ASB14: variants seen among roughly 807,000 people sequenced by gnomAD.
ASB14 encodes the protein ankyrin repeat and SOCS box containing 14.
A neutral mutation model predicts 55.6 loss-of-function variants in ASB14; 63 were observed. The observed-to-expected ratio is 1.13, with a 90% CI of 0.92 to 1.40. The LOEUF (loss-of-function observed/expected upper bound fraction) is 1.40, where lower values mean the gene tolerates loss of function less well. Among genes scored for constraint, ASB14 ranks in the 40% most tolerant of loss-of-function variants. The pLI is 0.00. For synonymous variants in ASB14, 256 were observed against 259.9 expected (o/e 0.98, Z 0.15); for missense variants, 724 against 710.4 (o/e 1.02, Z -0.22).
rs1318353290 is a variant in ASB14 at position 57,269,307 on chromosome 3, AAAAG to A, written c.*330_*333del. ...GCTTTATTTGGTTGTTGGTCATAAA[AAAAG>A]AAAGATAAAATATTAGATTTTAGTT... On this transcript the variant is annotated 3_prime_UTR_variant, in exon 11 of 11. Coordinates refer to ENST00000487349, the MANE Select transcript of ASB14 (RefSeq NM_001142733.3). The A allele has an allele frequency of 1.2e-5, 5 of 427,594 alleles. No individual in the cohort carries two copies. Among genetic ancestry groups the A allele is most frequent in the South Asian group, 8.5e-5 (2 of 23,632 alleles). 26.5% of individuals were successfully genotyped at this position (427,594 alleles called of 1,614,324 possible). A position where few individuals can be genotyped will look rare whatever the true frequency, so the allele number is the denominator to read the frequency against.
At chr3:57,292,399 A>C (rs2061140710) in intron 1 of ASB14, among the ~76,000 whole-genome samples, 1 of 152,122 alleles carries the variant, frequency 6.6e-6, no homozygotes, top group African/African-American at 2.4e-5. Flanking sequence ...TGATTGTAGC[A>C]CTCATCCAAA....
chr3:57,282,201 A>G (rs569733339), intron 6 of ASB14, among the ~76,000 whole-genome samples: 1 of 152,284 alleles, frequency 6.6e-6, no homozygotes, highest in South Asian at 2.1e-4. Context: ...CCTATATGAC[A>G]GGAAAGATTT....
chr3:57,268,376 GTTTTA>G lies in ASB14; in HGVS notation c.*1260_*1264del. ...AAGTTATTTCATATTTAATTCATTA[GTTTTA>G]TTCATCTGTTCTTTAGGATCGTAGG... On this transcript the variant is annotated 3_prime_UTR_variant, in exon 11 of 11. Coordinates refer to ENST00000487349, the MANE Select transcript of ASB14 (RefSeq NM_001142733.3). 1.3e-6 allele frequency: 2 copies of G among 1,506,698 alleles called. No individual in the cohort carries two copies. The highest frequency in any genetic ancestry group is 1.8e-6 in the Non-Finnish European group (2 of 1,108,216). The allele number at this position is 1,506,698 out of a possible 1,614,324, so 93.3% of individuals were successfully genotyped here.
At chr3:57,282,185 G>A (rs1022720010) in intron 6 of ASB14, among the ~76,000 whole-genome samples, 2 of 152,094 alleles carry the variant, frequency 1.3e-5, no homozygotes, top group Admixed American at 1.3e-4. Context: ...TTAGCAACTA[G>A]CCTCCCCTAT....
intron 10 of ASB14, chr3:57,271,140 T>C (rs2060935487): frequency 6.6e-6 from 1 of 152,438 alleles, no homozygotes; most frequent in Non-Finnish European, 1.5e-5. Flanking sequence ...GCCTTTTTTT[T>C]TCTTTGATAT....
intron 2 of ASB14, among the ~76,000 whole-genome samples, chr3:57,289,811 C>T (rs2061114615): frequency 6.7e-6 from 1 of 150,150 alleles, no homozygotes; most frequent in African/African-American, 2.5e-5. Context: ...TCACGGCCGG[C>T]TAATTTTTTG....
chr3:57,287,859 C>G, intron 5 of ASB14, 42 bp downstream of exon 5: 1 of 1,525,516 alleles, frequency 6.6e-7, no homozygotes, highest in South Asian at 1.2e-5. Context: ...ATGAAGGAGA[C>G]TCAGTGCCAC....
rs764803205 is a variant in ASB14 at position 57,283,345 on chromosome 3, G to A, written c.564C>T (p.His188=). Residue 188 remains histidine, a synonymous_variant, in exon 6 of 11, where the codon CAC becomes CAT. Transcript: ENST00000487349. The part of the protein sequence containing the change: ...LRCANERTAL[H]EAAKLGREDM... ...CCTCTCTGCCCAGTTTGGCTGCTTC[G>A]TGGAGAGCTGTCCTCTCGTTGGCAC... 46 of 1,551,618 alleles carry A rather than the reference G, an allele frequency of 3.0e-5. No individual in the cohort carries two copies. Among genetic ancestry groups the A allele is most frequent in the Middle Eastern group, 1.7e-4 (1 of 6,014 alleles).
chr3:57,290,900 A>T (rs2107631563), intron 2 of ASB14, among the ~76,000 whole-genome samples: 1 of 152,336 alleles, frequency 6.6e-6, no homozygotes, highest in East Asian at 1.9e-4. Flanking sequence ...CCTAAATTGA[A>T]CACAAAAGTA....
At position 57,269,017 on chromosome 3, in the gene ASB14, G is replaced by A. The variant is rs1352982441; in HGVS notation, c.*624C>T. The A allele has an allele frequency of 1.3e-5, 2 of 153,048 alleles. No individual in the cohort carries two copies. Among genetic ancestry groups the A allele is most frequent in the African/African-American group, 4.8e-5 (2 of 41,460 alleles). The allele number at this position is 153,048 out of a possible 1,614,324, so 9.5% of individuals were successfully genotyped here. On this transcript the variant is annotated 3_prime_UTR_variant, in exon 11 of 11. Coordinates refer to ENST00000487349, the MANE Select transcript of ASB14 (RefSeq NM_001142733.3). ...GTAGATTGACAGTAGGAATAGAAAAGAGGAGACAGCTGGGATGCTTAGAAC... is the reference window on the plus strand; with the variant it reads ...GTAGATTGACAGTAGGAATAGAAAAAAGGAGACAGCTGGGATGCTTAGAAC...
rs562802317 is a variant in ASB14 at position 57,274,503 on chromosome 3, G to A, written c.*22+2025C>T. 2.6e-5 allele frequency among the ~76,000 whole-genome samples: 4 copies of A among 152,204 alleles called. No homozygotes were observed. The South Asian group carries it at 8.3e-4, about 32-fold the overall frequency. On this transcript the variant is annotated intron_variant, in intron 10 of 10. Coordinates refer to ENST00000487349, the MANE Select transcript of ASB14 (RefSeq NM_001142733.3). ...GTCGAGACAGCCTGACCAACATGGT[G>A]AAACCCCATCTCATCTCTACTAAAA... is the stretch of plus-strand genomic sequence containing the variant.
intron 5 of ASB14, among the ~76,000 whole-genome samples, chr3:57,286,951 C>T (rs2061085564): frequency 1.3e-5 from 2 of 152,084 alleles, no homozygotes; most frequent in Admixed American, 6.5e-5. Flanking sequence ...CTCCATCTTC[C>T]AGCATTGTTT....
chr3:57,273,410 G>T (rs2060960762), intron 10 of ASB14: 1 of 152,576 alleles, frequency 6.6e-6, no homozygotes, highest in Non-Finnish European at 1.5e-5. Context: ...GAAAAAAGTT[G>T]TTAGAAGATT....
At position 57,277,836 on chromosome 3, in the gene ASB14, G is replaced by A. The variant is rs147855564; in HGVS notation, c.1516C>T (p.Arg506Trp). The change falls in exon 9 of 11, where the codon CGG (arginine) becomes TGG (tryptophan). Residue 506 changes from arginine (R) to tryptophan (W), a missense_variant. Physicochemically the swap from Arg to Trp is moderately radical, Grantham distance 101. Coordinates refer to ENST00000487349, the MANE Select transcript of ASB14 (RefSeq NM_001142733.3). ...ACAGCTTTCAACTTTGAACAGATCC[G>A]AACTTGATCAACATAATCAAGCATC... Reference protein sequence around the residue: ...RVMLDYVDQVRICSKLKAVLQ... With the variant: ...RVMLDYVDQVWICSKLKAVLQ... 22 of 1,613,686 alleles carry A rather than the reference G, an allele frequency of 1.4e-5. 1 individual carries two copies. Among genetic ancestry groups the A allele is most frequent in the African/African-American group, 5.3e-5 (4 of 74,904 alleles).
chr3:57,270,547 T>C (rs2060929972), intron 10 of ASB14: 1 of 152,680 alleles, frequency 6.5e-6, no homozygotes, highest in South Asian at 2.1e-4. Context: ...TTGTGTGAAA[T>C]AGTTTTTATT....
chr3:57,285,182 C>T (rs756052307), intron 5 of ASB14, among the ~76,000 whole-genome samples: 14 of 151,978 alleles, frequency 9.2e-5, no homozygotes, highest in African/African-American at 2.4e-4. Flanking sequence ...CTCAGGTGAC[C>T]GGCCGGCCTC....
At chr3:57,280,031 CTCTT>C (rs2107623101) in intron 7 of ASB14, among the ~76,000 whole-genome samples, 1 of 152,070 alleles carries the variant, frequency 6.6e-6, no homozygotes, top group African/African-American at 2.4e-5. Context: ...GCTGCTACAA[CTCTT>C]TCTTTGAGCA....
chr3:57,281,342 G>A (rs187830813), intron 6 of ASB14, among the ~76,000 whole-genome samples: 1 of 151,976 alleles, frequency 6.6e-6, no homozygotes, highest in Non-Finnish European at 1.5e-5. Context: ...GGGGTTGTAA[G>A]GGGGGCTGGG....
Position 57,283,412 on chromosome 3 carries a change from G to A in ASB14, c.497C>T (p.Ala166Val). The A allele has an allele frequency of 6.4e-7, 1 of 1,551,652 alleles. No individual in the cohort carries two copies. Among genetic ancestry groups the A allele is most frequent in the African/African-American group, 1.4e-5 (1 of 73,176 alleles). ...AAVLRDCYDM[A>V]ALLINYGADV... is the part of the protein sequence containing the mutation. The stretch of plus-strand genomic sequence containing the variant: ...TGCTCCATAGTTGATCAGCAAGGCA[G>A]CCATGTCATAGCAGTCACGCAGCAC... Residue 166 changes from alanine (A) to valine (V), a missense_variant, in exon 6 of 11, where the codon GCT (alanine) becomes GTT (valine). Coordinates refer to ENST00000487349, the MANE Select transcript of ASB14 (RefSeq NM_001142733.3).
Sources: allele counts gnomAD v4.1 joint callset (sites outside exome capture counted in the v4.1 genomes callset), GRCh38; gene constraint gnomAD v4.1.1; transcripts MANE v1.5; gene names NCBI Gene and HGNC (gene_info 2026-07-23, HGNC 2026-07-21).